Variants in CLOCK observed in about 807,000 individuals in gnomAD.
CLOCK encodes clock circadian regulator, also known as circadian locomoter output cycles protein kaput.
CLOCK carries 43 observed loss-of-function variants against 118.4 expected under a neutral mutation model. That is an observed-to-expected ratio of 0.36 (90% confidence interval 0.28 to 0.47). CLOCK has a LOEUF of 0.47. Among genes scored for constraint, CLOCK ranks in the 20% least tolerant of loss-of-function variants. The probability of loss-of-function intolerance (pLI) is 1.00; values close to 1 mark genes in which losing one functional copy is unlikely to be tolerated. For synonymous variants in CLOCK, 326 were observed against 339.2 expected, an observed-to-expected ratio of 0.96 and a Z score of 0.43; for missense variants, 846 against 999.9, an observed-to-expected ratio of 0.85 and a Z score of 2.08.
intron 9 of CLOCK, among the ~76,000 whole-genome samples, chr4:55,460,382 T>C (rs1463765411): frequency 6.6e-6 from 1 of 152,204 alleles, no homozygotes; most frequent in Non-Finnish European, 1.5e-5. Context: ...CATTCGAACT[T>C]GATTGTCCCA....
At chr4:55,459,845 A>G (rs116234924) in intron 9 of CLOCK, among the ~76,000 whole-genome samples, 327 of 152,154 alleles carry the variant, frequency 2.1e-3, no homozygotes, top group African/African-American at 7.6e-3. Flanking sequence ...AATTTTTTAT[A>G]GAAATGGGGT....
chr4:55,438,204 A>C, intron 22 of CLOCK, 78 bp downstream of exon 22: 1 of 1,524,596 alleles, frequency 6.6e-7, no homozygotes, highest in Admixed American at 1.7e-5. Context: ...CATCACTCAC[A>C]AATCTGTTCA....
chr4:55,462,873 A>T (rs918938846), intron 9 of CLOCK, among the ~76,000 whole-genome samples: 2 of 137,940 alleles, frequency 1.4e-5, no homozygotes, highest in Non-Finnish European at 3.2e-5. Flanking sequence ...TGTGTATCTC[A>T]ATTTTTAGAC....
At chr4:55,467,952 T>TA (rs763823673) in intron 8 of CLOCK, among the ~76,000 whole-genome samples, 2 of 152,182 alleles carry the variant, frequency 1.3e-5, no homozygotes, top group African/African-American at 4.8e-5. Context: ...CTTTCAACTT[T>TA]AAAAAATGCC....
chr4:55,449,132 T>A (rs1724204655), intron 17 of CLOCK, among the ~76,000 whole-genome samples: 1 of 151,530 alleles, frequency 6.6e-6, no homozygotes, highest in Non-Finnish European at 1.5e-5. Flanking sequence ...TATTTGAACT[T>A]AGACATAAAA....
intron 2 of CLOCK, among the ~76,000 whole-genome samples, chr4:55,502,921 G>A (rs143231266): frequency 3.7e-4 from 56 of 152,208 alleles, no homozygotes; most frequent in East Asian, 1.3e-3. Flanking sequence ...TAAATCATCA[G>A]GGAATTACGA....
chr4:55,441,581 C>T (rs1422692432), intron 21 of CLOCK, among the ~76,000 whole-genome samples: 2 of 152,118 alleles, frequency 1.3e-5, no homozygotes, highest in Admixed American at 1.3e-4. Context: ...CATTTTGCAG[C>T]AACTTGGATG....
intron 3 of CLOCK, among the ~76,000 whole-genome samples, chr4:55,486,210 T>A (rs1316785551): frequency 6.6e-6 from 1 of 152,236 alleles, no homozygotes; most frequent in African/African-American, 2.4e-5. Flanking sequence ...TTCCTAGAGT[T>A]ACCATTTTGT....
intron 1 of CLOCK, among the ~76,000 whole-genome samples, chr4:55,536,003 A>T (rs1730870733): frequency 6.6e-6 from 1 of 152,136 alleles, no homozygotes; most frequent in African/African-American, 2.4e-5. Context: ...GTGTTCACAC[A>T]GGGCTGGAAT....
chr4:55,524,750 G>C (rs1209346497), intron 1 of CLOCK, among the ~76,000 whole-genome samples: 4 of 152,042 alleles, frequency 2.6e-5, no homozygotes, highest in African/African-American at 9.7e-5. Flanking sequence ...TTTATGTGCT[G>C]GTTTGTCAAA....
At chr4:55,544,378 T>C (rs1377648229) in intron 1 of CLOCK, among the ~76,000 whole-genome samples, 2 of 152,168 alleles carry the variant, frequency 1.3e-5, no homozygotes, top group African/African-American at 4.8e-5. Context: ...TTTACCCATC[T>C]ATGACTCCTG....
At position 55,502,673 on chromosome 4, in the gene CLOCK, T is replaced by C. The variant is rs1371827607; in HGVS notation, c.-136+7239A>G. Among the ~76,000 whole-genome samples, 3 of 152,172 alleles carry C rather than the reference T, an allele frequency of 2.0e-5. No homozygotes were observed. In the East Asian group the frequency reaches 5.8e-4, roughly 29 times the overall value. On this transcript the variant is annotated intron_variant, in intron 2 of 22. Coordinates refer to ENST00000513440, the MANE Select transcript of CLOCK (RefSeq NM_004898.4). ...AAGCGTTAACCATAAAAAAATTTGA[T>C]AAAATGGACTTCATTAAAATTAAGA...
chr4:55,527,640 A>T (rs534964841), intron 1 of CLOCK, among the ~76,000 whole-genome samples: 38 of 152,370 alleles, frequency 2.5e-4, no homozygotes, highest in African/African-American at 8.7e-4. Flanking sequence ...TGATACAAAT[A>T]AAGCAACAAA....
intron 1 of CLOCK, among the ~76,000 whole-genome samples, chr4:55,542,373 ATAATAATATTATTATTAT>A (rs1361839310): frequency 0.024 from 1,121 of 47,644 alleles, 9 homozygotes; most frequent in East Asian, 0.098. Context: ...AATAATAATA[ATAATAATATTATTATTAT>A]TATTATTATT....
intron 2 of CLOCK, among the ~76,000 whole-genome samples, chr4:55,504,014 G>A (rs533023226): frequency 3.3e-4 from 30 of 89,986 alleles, no homozygotes; most frequent in Non-Finnish European, 5.9e-4. Context: ...GCCGGGCACA[G>A]TGGCTCACGC....
At chr4:55,436,891 CCTTT>C (rs1722917291) in intron 22 of CLOCK, among the ~76,000 whole-genome samples, 1 of 89,178 alleles carries the variant, frequency 1.1e-5, no homozygotes, top group African/African-American at 4.1e-5. Flanking sequence ...CTTTGGGATG[CCTTT>C]TTTTTTTTTT....
intron 2 of CLOCK, among the ~76,000 whole-genome samples, chr4:55,490,488 T>G (rs1727595254): frequency 6.6e-6 from 1 of 151,994 alleles, no homozygotes; most frequent in Non-Finnish European, 1.5e-5. Flanking sequence ...AAAGCATAGA[T>G]TTAAACAGTG....
At chr4:55,444,604 C>T (rs767533372) in intron 19 of CLOCK, 29 bp downstream of exon 19, 1 of 1,613,644 alleles carries the variant, frequency 6.2e-7, no homozygotes, top group South Asian at 1.1e-5. Flanking sequence ...GAATGGGATG[C>T]TTTGTTTGTA....
intron 1 of CLOCK, among the ~76,000 whole-genome samples, chr4:55,524,970 T>C (rs1000510637): frequency 3.3e-5 from 5 of 152,170 alleles, no homozygotes; most frequent in African/African-American, 9.7e-5. Flanking sequence ...TTTATTTCCA[T>C]ATTCTATCAC....
Sources: allele counts gnomAD v4.1 joint callset (sites outside exome capture counted in the v4.1 genomes callset), GRCh38; gene constraint gnomAD v4.1.1; transcripts MANE v1.5; gene names NCBI Gene and HGNC (gene_info 2026-07-23, HGNC 2026-07-21).